Variants in FBXO22 observed in about 807,000 individuals in gnomAD.
FBXO22 encodes F-box only protein 22.
A neutral mutation model predicts 37.2 loss-of-function variants in FBXO22; 13 were observed. The observed-to-expected ratio is 0.35, with a 90% CI of 0.23 to 0.56. The LOEUF (loss-of-function observed/expected upper bound fraction) is 0.56, where lower values mean the gene tolerates loss of function less well. FBXO22 is among the 20% of genes least tolerant of loss of function. The pLI, the probability that FBXO22 is intolerant of heterozygous loss-of-function variation, is 0.87. For synonymous variants in FBXO22, 189 were observed against 189.1 expected (o/e 1.00, Z 0.00); for missense variants, 446 against 509.9 (o/e 0.87, Z 1.21).
In FBXO22 at chr15:75,938,277, C is replaced by G. The variant is rs999280693; in HGVS notation, c.*5175C>G. ...AACTCTCAAAACAAATGGATGACAG[C>G]TTTTAAAAATAAAAAAACAATGAAC... On this transcript the variant is annotated 3_prime_UTR_variant, in exon 7 of 7. Coordinates refer to ENST00000308275, the MANE Select transcript of FBXO22 (RefSeq NM_147188.3). 6 of 151,942 alleles carry G rather than the reference C, an allele frequency of 3.9e-5. No individual in the cohort carries two copies. The highest frequency in any genetic ancestry group is 1.2e-4 in the African/African-American group (5 of 41,356). The allele number at this position is 151,942 out of a possible 1,614,324, so 9.4% of individuals were successfully genotyped here.
In FBXO22 at chr15:75,932,842, A is replaced by G. The variant is rs761610299; in HGVS notation, c.952A>G (p.Asn318Asp). Residue 318 changes from asparagine to aspartate, a missense_variant, in exon 7 of 7, where the codon AAC becomes GAC. By Grantham distance (23) the Asn-to-Asp change is conservative. Transcript: ENST00000308275. ...CAAAGCGGCCAACATTCCAGAGCAT[A>G]ACACCATTGGCTTCATGTTTGCATG... ...RLKAANIPEH[N>D]TIGFMFACVG... 5 of 1,614,256 alleles carry G rather than the reference A, an allele frequency of 3.1e-6. No homozygotes were observed. Among genetic ancestry groups the G allele is most frequent in the South Asian group, 1.1e-5 (1 of 91,090 alleles).
intron 5 of FBXO22, among the ~76,000 whole-genome samples, chr15:75,923,315 T>A (rs1356525564): frequency 6.6e-6 from 1 of 152,252 alleles, no homozygotes; most frequent in Non-Finnish European, 1.5e-5. Flanking sequence ...AGAATTATTG[T>A]GCTCTGTGAA....
rs546318753 is a variant in FBXO22, at chr15:75,926,001, T to C, written c.629-3883T>C. 4.6e-5 allele frequency among the ~76,000 whole-genome samples: 7 copies of C among 152,362 alleles called. No individual in the cohort carries two copies. The South Asian group carries it at 1.2e-3, about 27-fold the overall frequency. The stretch of plus-strand genomic sequence containing the variant: ...CTTGATTATAGTTGCCAATCCTACA[T>C]GGCAGGTCAGTTTATCCTGTTACCT... On this transcript the variant is annotated intron_variant, in intron 5 of 6. Coordinates refer to ENST00000308275, the MANE Select transcript of FBXO22 (RefSeq NM_147188.3).
Position 75,933,167 on chromosome 15 carries a change from G to A in FBXO22, c.*65G>A. ...TGCCTTTTTCAGAAAATGGAAACTT[G>A]GGCCATGTGTATTTCAAACAAAAAT... is the stretch of plus-strand genomic sequence containing the variant. On this transcript the variant is annotated 3_prime_UTR_variant, in exon 7 of 7. Coordinates refer to ENST00000308275, the MANE Select transcript of FBXO22 (RefSeq NM_147188.3). 1 of 1,374,232 alleles carries A rather than the reference G, an allele frequency of 7.3e-7. No individual in the cohort carries two copies. The highest frequency in any genetic ancestry group is 1.5e-5 in the African/African-American group (1 of 68,836). 85.1% of individuals were successfully genotyped at this position (1,374,232 alleles called of 1,614,324 possible).
At chr15:75,926,611 T>G (rs1475114019) in intron 5 of FBXO22, among the ~76,000 whole-genome samples, 1 of 152,184 alleles carries the variant, frequency 6.6e-6, no homozygotes, top group Non-Finnish European at 1.5e-5. Flanking sequence ...GGCGAGAATC[T>G]CCATCATTCG....
In FBXO22 at chr15:75,926,892, C is replaced by G. The variant is rs142478614; in HGVS notation, c.629-2992C>G. ...CAGAGTAGGTGGGTGAATTACTGAT[C>G]TCTTGTTTTTGTGCAGCATCTGGGA... On this transcript the variant is annotated intron_variant, in intron 5 of 6. Transcript: ENST00000308275. Among the ~76,000 whole-genome samples, 9 of 152,290 alleles carry G rather than the reference C, an allele frequency of 5.9e-5. No individual in the cohort carries two copies. The East Asian group carries it at 1.5e-3, about 26-fold the overall frequency.
At chr15:75,910,721 C>T (rs1283849478) in intron 2 of FBXO22, among the ~76,000 whole-genome samples, 2 of 152,148 alleles carry the variant, frequency 1.3e-5, no homozygotes, top group Non-Finnish European at 2.9e-5. Context: ...GTTGCCTGTT[C>T]ACTCTGATGA....
In FBXO22 at chr15:75,932,792, C is replaced by T; in HGVS notation, c.902C>T (p.Thr301Ile). The change falls in exon 7 of 7, where the codon ACT becomes ATT. Residue 301 changes from threonine (T) to isoleucine (I), a missense_variant. Physicochemically the swap from Thr to Ile is moderately conservative, Grantham distance 89. Transcript: ENST00000308275. ...LLNEDVSDEKTAEAAMQRLKA... is the reference protein window; with the variant it reads ...LLNEDVSDEKIAEAAMQRLKA... ...AACGAGGACGTCAGTGATGAGAAGA[C>T]TGCTGAGGCTGCGATGCAGCGCCTC... 6.2e-7 allele frequency: 1 copy of T among 1,614,272 alleles called. No individual in the cohort carries two copies. The highest frequency in any genetic ancestry group is 1.1e-5 in the South Asian group (1 of 91,092).
intron 3 of FBXO22, 31 bp downstream of exon 3, chr15:75,913,321 G>GT (rs752535106): frequency 1.4e-5 from 21 of 1,458,828 alleles, no homozygotes; most frequent in Admixed American, 8.5e-5. Flanking sequence ...TTTTGCTTCT[G>GT]TTTTTTTATC....
intron 4 of FBXO22, among the ~76,000 whole-genome samples, chr15:75,914,431 A>G (rs1290901635): frequency 1.3e-5 from 2 of 152,212 alleles, no homozygotes; most frequent in Non-Finnish European, 2.9e-5. Context: ...GTAGTCATTC[A>G]TAAGAGGGGA....
chr15:75,941,596 A>G lies in FBXO22; in HGVS notation c.*8494A>G, dbSNP rs956273595. The stretch of plus-strand genomic sequence containing the variant: ...AATGGAATATTATTCAGCCATAAAA[A>G]GGAAATCCTTCTACATACTACATCA... On this transcript the variant is annotated 3_prime_UTR_variant, in exon 7 of 7. Transcript: ENST00000308275. 6.6e-6 allele frequency: 1 copy of G among 152,238 alleles called. No individual in the cohort carries two copies. Among genetic ancestry groups the G allele is most frequent in the Non-Finnish European group, 1.5e-5 (1 of 68,024 alleles). 9.4% of individuals were successfully genotyped at this position (152,238 alleles called of 1,614,324 possible).
chr15:75,932,880 C>CT lies in FBXO22; in HGVS notation c.993dup (p.Gln332SerfsTer10), dbSNP rs1203064437. 2 of 1,614,092 alleles carry CT rather than the reference C, an allele frequency of 1.2e-6. No individual in the cohort carries two copies. Among genetic ancestry groups the CT allele is most frequent in the Non-Finnish European group, 1.7e-6 (2 of 1,180,042 alleles). Reference sequence around the variant, plus strand: ...TCATGTTTGCATGCGTTGGCAGGGGCTTTCAGTATTACAGAGCCAAGGGGA... The same window carrying CT: ...TCATGTTTGCATGCGTTGGCAGGGGCTTTTCAGTATTACAGAGCCAAGGGGA... On this transcript the variant is annotated frameshift_variant, in exon 7 of 7. Coordinates refer to ENST00000308275, the MANE Select transcript of FBXO22 (RefSeq NM_147188.3). LOFTEE classifies it high-confidence loss of function.
In FBXO22 at chr15:75,937,523, AAAAAAAAAAG is replaced by A. The variant is rs767973600; in HGVS notation, c.*4422_*4431del. ...GACTCTGTCTCAAAAAAAAAAAAAA[AAAAAAAAAAG>A]CAACTGTCTGAACGAACCTTGTTAG... On this transcript the variant is annotated 3_prime_UTR_variant, in exon 7 of 7. Coordinates refer to ENST00000308275, the MANE Select transcript of FBXO22 (RefSeq NM_147188.3). The A allele has an allele frequency of 7.3e-6, 1 of 136,762 alleles. No individual in the cohort carries two copies. Among genetic ancestry groups the A allele is most frequent in the Non-Finnish European group, 1.5e-5 (1 of 64,554 alleles). 8.5% of individuals were successfully genotyped at this position (136,762 alleles called of 1,614,324 possible).
At chr15:75,916,644 G>A (rs1900197701) in intron 4 of FBXO22, among the ~76,000 whole-genome samples, 1 of 152,244 alleles carries the variant, frequency 6.6e-6, no homozygotes, top group Non-Finnish European at 1.5e-5. Context: ...ATATCTACCT[G>A]TAAAATTCAG....
intron 1 of FBXO22, 145 bp downstream of exon 1, chr15:75,904,248 G>A (rs1899867406): frequency 1.6e-6 from 2 of 1,232,470 alleles, no homozygotes; most frequent in South Asian, 1.6e-5. Context: ...CCCCCTACCC[G>A]CGAGGTATCT....
rs765315958 is a variant in FBXO22, at chr15:75,913,260, A to C, written c.337A>C (p.Ser113Arg). Residue 113 changes from serine (S) to arginine (R), a missense_variant, in exon 3 of 7, where the codon AGT becomes CGT. This residue lies in a region of FBXO22 where 315 missense variants were observed against 410.1 expected (regional missense o/e 0.77). Transcript: ENST00000308275. ...LYMADSETFI[S>R]LEECRGHKRA... ...CATGGCTGATTCAGAAACTTTCATT[A>C]GTCTGGAAGAGTGTCGTGGCCATAA... 1 of 1,610,542 alleles carries C rather than the reference A, an allele frequency of 6.2e-7. No individual in the cohort carries two copies. The highest frequency in any genetic ancestry group is 8.5e-7 in the Non-Finnish European group (1 of 1,178,552).
chr15:75,917,419 A>T lies in FBXO22; in HGVS notation c.628+25A>T, dbSNP rs1283764529. ...GGTAAGTTACTTTTATTTATCATTAACTGCTCATTTTATTGATTAATTTTG... is the reference window on the plus strand; with the variant it reads ...GGTAAGTTACTTTTATTTATCATTATCTGCTCATTTTATTGATTAATTTTG... On this transcript the variant is annotated intron_variant, in intron 5 of 6. Coordinates refer to ENST00000308275, the MANE Select transcript of FBXO22 (RefSeq NM_147188.3). The T allele has an allele frequency of 2.0e-6, 3 of 1,493,164 alleles. No individual in the cohort carries two copies. The African/African-American group carries it at 4.2e-5, about 21-fold the overall frequency. The allele number at this position is 1,493,164 out of a possible 1,614,324, so 92.5% of individuals were successfully genotyped here.
At chr15:75,910,039 A>T (rs566765715) in intron 2 of FBXO22, among the ~76,000 whole-genome samples, 1 of 152,208 alleles carries the variant, frequency 6.6e-6, no homozygotes, top group Admixed American at 6.5e-5. Context: ...TTCCTGTGTT[A>T]GTTTGCTGAA....
Position 75,935,621 on chromosome 15 carries a change from A to G in FBXO22, c.*2519A>G, listed in dbSNP as rs527977166. 6 of 150,304 alleles carry G rather than the reference A, an allele frequency of 4.0e-5. No individual in the cohort carries two copies. The highest frequency in any genetic ancestry group is 7.4e-5 in the Non-Finnish European group (5 of 67,698). 9.3% of individuals were successfully genotyped at this position (150,304 alleles called of 1,614,324 possible). A position where few individuals can be genotyped will look rare whatever the true frequency, so the allele number is the denominator to read the frequency against. ...CCTTGCAGACTGATAAAAGTGGGCAATCTAGTAGGCCAGTTCACATTACAG... is the reference window on the plus strand; with the variant it reads ...CCTTGCAGACTGATAAAAGTGGGCAGTCTAGTAGGCCAGTTCACATTACAG... On this transcript the variant is annotated 3_prime_UTR_variant, in exon 7 of 7. Coordinates refer to ENST00000308275, the MANE Select transcript of FBXO22 (RefSeq NM_147188.3).
Sources: gnomAD v4.1 joint callset for allele counts (sites outside exome capture counted in the v4.1 genomes callset) on GRCh38, gnomAD v4.1.1 for gene constraint, gnomAD v4.1.1 regional missense constraint, MANE v1.5 for transcripts, NCBI Gene and HGNC (gene_info 2026-07-23, HGNC 2026-07-21) for gene names.